TNRC18: variants seen among roughly 807,000 people sequenced by gnomAD.
The protein encoded by TNRC18 is trinucleotide repeat-containing gene 18 protein.
Under a neutral mutation model 226.7 loss-of-function variants are expected in TNRC18, and 69 were observed. The ratio of observed to expected loss-of-function variants is 0.30; its 90% CI spans 0.25 to 0.37. The LOEUF is 0.37. Ranked by LOEUF, TNRC18 falls within the 10% of genes least tolerant of loss-of-function variation. The pLI, the probability that TNRC18 is intolerant of heterozygous loss-of-function variation, is 1.00. For synonymous variants in TNRC18, 2,449 were observed against 1,927.6 expected (o/e 1.27, Z -7.09); for missense variants, 4,754 against 4,256.6 (o/e 1.12, Z -3.25).
chr7:5,315,881 A>C (rs879597870), intron 25 of TNRC18, 75 bp downstream of exon 25: 51 of 1,140,360 alleles, frequency 4.5e-5, no homozygotes, highest in Non-Finnish European at 5.9e-5. Flanking sequence ...CAGAGCTCAG[A>C]GCCGGGCTTG....
At chr7:5,382,261 C>A (rs930240580) in intron 5 of TNRC18, among the ~76,000 whole-genome samples, 1 of 152,228 alleles carries the variant, frequency 6.6e-6, no homozygotes, top group Non-Finnish European at 1.5e-5. Flanking sequence ...CGGCCCCACA[C>A]AGGGAGTGCC....
chr7:5,308,337 A>G (rs1253575740), intron 29 of TNRC18, 25 bp from the exon 30 acceptor site: 1 of 1,590,620 alleles, frequency 6.3e-7, no homozygotes, highest in East Asian at 2.4e-5. Flanking sequence ...GGATATCAGG[A>G]TGGCAGGTGG....
Position 5,388,064 on chromosome 7 carries a change from C to G in TNRC18, c.1760G>C (p.Ser587Thr). The part of the protein sequence containing the change: ...HGSGEASAMQ[S>T]LIKYSGSFAR... ...AAAGCTGCCACTGTACTTTATAAGG[C>G]TCTGCATGGCCGAGGCCTCTCCAGA... Residue 587 changes from serine to threonine, a missense_variant, in exon 5 of 30, where the codon AGC becomes ACC. Physicochemically the swap from Ser to Thr is moderately conservative, Grantham distance 58 (BLOSUM62 1). Transcript: ENST00000430969. The G allele has an allele frequency of 1.9e-6, 3 of 1,557,690 alleles. No individual in the cohort carries two copies. Among genetic ancestry groups the G allele is most frequent in the Non-Finnish European group, 2.6e-6 (3 of 1,151,362 alleles).
intron 8 of TNRC18, 47 bp from the exon 9 acceptor site, chr7:5,376,271 C>T: frequency 1.5e-6 from 2 of 1,375,450 alleles, no homozygotes; most frequent in Non-Finnish European, 1.9e-6. Flanking sequence ...TGATGCTCCA[C>T]CACCATGCCC....
chr7:5,353,235 C>T (rs1450131198), intron 16 of TNRC18, among the ~76,000 whole-genome samples: 2 of 152,194 alleles, frequency 1.3e-5, no homozygotes, highest in Non-Finnish European at 2.9e-5. Flanking sequence ...AACTTGGCCT[C>T]CTACAAGAAC....
intron 4 of TNRC18, chr7:5,390,130 G>C (rs1414364220): frequency 2.4e-6 from 1 of 422,700 alleles, no homozygotes; most frequent in African/African-American, 2.0e-5. Flanking sequence ...TTGGAAAGCC[G>C]AGGTAGGAGG....
Position 5,389,323 on chromosome 7 carries a change from C to G in TNRC18, c.501G>C (p.Leu167=), listed in dbSNP as rs752101394. The change falls in exon 5 of 30, where the codon CTG becomes CTC. Residue 167 remains leucine, a synonymous_variant. Coordinates refer to ENST00000430969, the MANE Select transcript of TNRC18 (RefSeq NM_001080495.3). ...GQGPGGDGFY[L]PTAGAPGSLH... ...GGGAGCCCGGAGCCCCCGCGGTGGG[C>G]AGGTAGAAACCGTCTGCGGAGAAGG... 5 of 1,279,794 alleles carry G rather than the reference C, an allele frequency of 3.9e-6. No homozygotes were observed. The highest frequency in any genetic ancestry group is 4.9e-6 in the Non-Finnish European group (5 of 1,013,642). 79.3% of individuals were successfully genotyped at this position (1,279,794 alleles called of 1,614,324 possible). A position where few individuals can be genotyped will look rare whatever the true frequency, so the allele number is the denominator to read the frequency against.
At chr7:5,363,276 C>A (rs1793258078) in intron 11 of TNRC18, among the ~76,000 whole-genome samples, 1 of 150,724 alleles carries the variant, frequency 6.6e-6, no homozygotes. Flanking sequence ...GCATGCCAGC[C>A]TGAGCAACAG....
chr7:5,416,117 A>G (rs1241317256), intron 2 of TNRC18, among the ~76,000 whole-genome samples: 2 of 149,876 alleles, frequency 1.3e-5, no homozygotes, highest in African/African-American at 4.9e-5. Flanking sequence ...CTCGCAAAAA[A>G]AAAAAAAAAA....
At chr7:5,381,281 G>T (rs762821414) in intron 5 of TNRC18, among the ~76,000 whole-genome samples, 1 of 152,068 alleles carries the variant, frequency 6.6e-6, no homozygotes, top group African/African-American at 2.4e-5. Flanking sequence ...CCCTCCATCC[G>T]CTCTAATCCT....
chr7:5,406,429 T>G (rs950737182), intron 2 of TNRC18, among the ~76,000 whole-genome samples: 1 of 152,072 alleles, frequency 6.6e-6, no homozygotes, highest in African/African-American at 2.4e-5. Context: ...GCCACTGCAC[T>G]GCAGCCTGGG....
chr7:5,360,261 C>T (rs2128159363), intron 14 of TNRC18, among the ~76,000 whole-genome samples: 1 of 151,918 alleles, frequency 6.6e-6, no homozygotes, highest in Non-Finnish European at 1.5e-5. Context: ...GATGGAGTCT[C>T]ACTCTGTTGC....
chr7:5,310,948 TTGTG>T (rs201305866), intron 27 of TNRC18, among the ~76,000 whole-genome samples: 36 of 151,782 alleles, frequency 2.4e-4, no homozygotes, highest in East Asian at 1.4e-3. Context: ...GTGCACGTGT[TTGTG>T]TGTGTGCACG....
In TNRC18 at chr7:5,313,819, G is replaced by T. The variant is rs200488281; in HGVS notation, c.7072C>A (p.Pro2358Thr). The change falls in exon 27 of 30, where the codon CCC becomes ACC. Residue 2358 changes from proline to threonine, a missense_variant. By Grantham distance (38) the Pro-to-Thr change is conservative (BLOSUM62 -1). Transcript: ENST00000430969. ...LEEGNPTDEV[P>T]STPLALEPSS... Reference sequence around the variant, plus strand: ...GGCTCCAGGGCTAAGGGGGTACTGGGGACCTCGTCTGTTGGGTTCCCCTCC... The same window carrying T: ...GGCTCCAGGGCTAAGGGGGTACTGGTGACCTCGTCTGTTGGGTTCCCCTCC... The T allele has an allele frequency of 1.2e-3, 1,761 of 1,511,148 alleles. 2 individuals are homozygous for T. Among genetic ancestry groups the T allele is most frequent in the Middle Eastern group, 8.2e-3 (42 of 5,118 alleles). 93.6% of individuals were successfully genotyped at this position (1,511,148 alleles called of 1,614,324 possible).
Position 5,324,099 on chromosome 7 carries a change from G to C in TNRC18, c.6442+115C>G. 8.4e-7 allele frequency: 1 copy of C among 1,197,444 alleles called. No individual in the cohort carries two copies. The highest frequency in any genetic ancestry group is 1.1e-6 in the Non-Finnish European group (1 of 871,662). 74.2% of individuals were successfully genotyped at this position (1,197,444 alleles called of 1,614,324 possible). The stretch of plus-strand genomic sequence containing the variant: ...TCAGCCTCAGGATCTCTGCTCCTGT[G>C]GTTCCCTGCCCCCAGCTAGCCCAGC... On this transcript the variant is annotated intron_variant, in intron 21 of 29. Transcript: ENST00000430969. This position sits in a 1 kb window ranked among gnomAD's most constrained non-coding sequence, Gnocchi z 4.8.
intron 5 of TNRC18, among the ~76,000 whole-genome samples, chr7:5,378,400 A>G (rs1779160838): frequency 6.6e-6 from 1 of 151,378 alleles, no homozygotes; most frequent in Admixed American, 6.6e-5. Context: ...TGCTATTTTT[A>G]TTTTATTTTA....
Position 5,371,138 on chromosome 7 carries a change from C to A in TNRC18, c.3456G>T (p.Pro1152=), listed in dbSNP as rs763498048. ...EPLREGPEEE[P]LAEREVKAEV... ...CTGCCTTCACCTCCCGCTCAGCCAGCGGTTCTTCCTCCGGGCCCTCCCGCA... is the reference window on the plus strand; with the variant it reads ...CTGCCTTCACCTCCCGCTCAGCCAGAGGTTCTTCCTCCGGGCCCTCCCGCA... The change falls in exon 11 of 30, where the codon CCG becomes CCT. Residue 1152 remains proline (P), a synonymous_variant. Transcript: ENST00000430969. The A allele has an allele frequency of 2.5e-6, 4 of 1,610,954 alleles. No homozygotes were observed. In the South Asian group the frequency reaches 4.4e-5, roughly 18 times the overall value.
intron 14 of TNRC18, among the ~76,000 whole-genome samples, chr7:5,360,537 T>C (rs1792928278): frequency 6.6e-6 from 1 of 152,156 alleles, no homozygotes. Flanking sequence ...ACCTGTGTAC[T>C]TATTTTTTTA....
rs757300480 is a variant in TNRC18 at position 5,377,041 on chromosome 7, G to T, written c.2462-48C>A. The T allele has an allele frequency of 6.5e-7, 1 of 1,541,114 alleles. No individual in the cohort carries two copies. Among genetic ancestry groups the T allele is most frequent in the Admixed American group, 2.1e-5 (1 of 46,948 alleles). On this transcript the variant is annotated intron_variant, in intron 7 of 29. Transcript: ENST00000430969. This position sits in a 1 kb window ranked among gnomAD's most constrained non-coding sequence, Gnocchi z 5.8. ...GAGTCAGTGCTGGGAGCCCCCAAGC[G>T]GTTTGTCCTCGGGCAGCCCCAGCCC...
Sources: gnomAD v4.1 joint callset for allele counts (sites outside exome capture counted in the v4.1 genomes callset) on GRCh38, gnomAD v4.1.1 for gene constraint, Gnocchi (gnomAD v3.1) non-coding constraint, MANE v1.5 for transcripts, NCBI Gene and HGNC (gene_info 2026-07-23, HGNC 2026-07-21) for gene names.